The following MYBPC2 variants were observed in gnomAD, a reference collection of about 807,000 sequenced individuals.
The protein encoded by MYBPC2 is myosin-binding protein C, fast-type.
In MYBPC2, 122 loss-of-function variants were observed where a neutral mutation model predicts 137.0. The observed-to-expected ratio is 0.89, with a 90% CI of 0.77 to 1.03. The LOEUF is 1.03. Ranked by LOEUF, MYBPC2 falls within the 50% of genes least tolerant of loss-of-function variation. MYBPC2 has a pLI of 0.00. For missense variants in MYBPC2, 1,500 were observed against 1,534.4 expected, an observed-to-expected ratio of 0.98 and a Z score of 0.37; for synonymous variants, 626 against 612.3, an observed-to-expected ratio of 1.02 and a Z score of -0.33.
At chr19:50,452,120 T>A in intron 16 of MYBPC2, 117 bp downstream of exon 16, 1 of 1,187,378 alleles carries the variant, frequency 8.4e-7, no homozygotes, top group Non-Finnish European at 1.2e-6. Flanking sequence ...CTTCACAGGG[T>A]TGTTTTGAAG....
chr19:50,461,005 A>AAT (rs1555798279), intron 24 of MYBPC2, among the ~76,000 whole-genome samples: 5 of 127,868 alleles, frequency 3.9e-5, no homozygotes, highest in African/African-American at 1.5e-4. Flanking sequence ...TTTCTTTTAA[A>AAT]TTTTTTTTTT....
chr19:50,435,421 G>A lies in MYBPC2; in HGVS notation c.109+171G>A, dbSNP rs2039693655. ...GCCCTCCCGGGGCTCCCTGGCACCC[G>A]CAGGCAGAGCCCAGCCCCTCGGCTG... On this transcript the variant is annotated intron_variant, in intron 2 of 27. Coordinates refer to ENST00000357701, the MANE Select transcript of MYBPC2 (RefSeq NM_004533.4). This position sits in a 1 kb window ranked among gnomAD's most constrained non-coding sequence, Gnocchi z 4.8. Among the ~76,000 whole-genome samples the A allele has an allele frequency of 6.6e-6, 1 of 152,200 alleles. No individual in the cohort carries two copies. Among genetic ancestry groups the A allele is most frequent in the South Asian group, 2.1e-4 (1 of 4,830 alleles).
At chr19:50,433,487 A>T (rs1358742509) in intron 1 of MYBPC2, among the ~76,000 whole-genome samples, 1 of 151,136 alleles carries the variant, frequency 6.6e-6, no homozygotes, top group Admixed American at 6.6e-5. Flanking sequence ...TCACTACAAC[A>T]TCCGCCTCCT....
rs534450639 is a variant in MYBPC2 at position 50,450,359 on chromosome 19, A to T, written c.1473-470A>T. Among the ~76,000 whole-genome samples the T allele has an allele frequency of 1.4e-4, 21 of 152,014 alleles. No homozygotes were observed. The South Asian group carries it at 4.4e-3, about 32-fold the overall frequency. On this transcript the variant is annotated intron_variant, in intron 13 of 27. Transcript: ENST00000357701. Reference sequence around the variant, plus strand: ...CTGCAGCCTTGACCTGGGCTGGAGCAATTCTCCCACCTCAGCCTCCCCAAG... The same window carrying T: ...CTGCAGCCTTGACCTGGGCTGGAGCTATTCTCCCACCTCAGCCTCCCCAAG...
At chr19:50,441,118 G>A (rs2039750718) in intron 8 of MYBPC2, 42 bp downstream of exon 8, 1 of 1,517,952 alleles carries the variant, frequency 6.6e-7, no homozygotes, top group African/African-American at 1.4e-5. Context: ...GCACACAAGG[G>A]ACCCCTAGCC....
Position 50,454,082 on chromosome 19 carries a change from G to T in MYBPC2, c.1812G>T (p.Val604=). Reference sequence around the variant, plus strand: ...AGCGGGTGGACTGCAGCAGCTTTGTGATTGAGAGTGCGCAGCGGGAAGACG... The same window carrying T: ...AGCGGGTGGACTGCAGCAGCTTTGTTATTGAGAGTGCGCAGCGGGAAGACG... ...IEKRVDCSSF[V]IESAQREDEG... is the part of the protein sequence containing the mutation. Residue 604 remains valine, a synonymous_variant, in exon 17 of 28, where the codon GTG becomes GTT. Coordinates refer to ENST00000357701, the MANE Select transcript of MYBPC2 (RefSeq NM_004533.4). 6.2e-7 allele frequency: 1 copy of T among 1,611,582 alleles called. No individual in the cohort carries two copies. The highest frequency in any genetic ancestry group is 8.5e-7 in the Non-Finnish European group (1 of 1,178,920).
At chr19:50,433,852 G>A (rs2039679409) in intron 1 of MYBPC2, among the ~76,000 whole-genome samples, 1 of 151,798 alleles carries the variant, frequency 6.6e-6, no homozygotes. Context: ...GAGGCAGGAG[G>A]ATTGCTTGAG....
Position 50,443,825 on chromosome 19 carries a change from C to G in MYBPC2, c.1133+9C>G. On this transcript the variant is annotated intron_variant, in intron 11 of 27. Transcript: ENST00000357701. ...GGTGCCCAGGTGATGTGGTAAGTGA[C>G]CCTTGATCCCTGATCTCCATACAGG... The G allele has an allele frequency of 6.2e-7, 1 of 1,608,980 alleles. No individual in the cohort carries two copies. The highest frequency in any genetic ancestry group is 8.5e-7 in the Non-Finnish European group (1 of 1,175,882).
intron 15 of MYBPC2, 116 bp downstream of exon 15, chr19:50,451,425 G>C: frequency 2.5e-6 from 2 of 801,788 alleles, no homozygotes; most frequent in Admixed American, 4.3e-5. Flanking sequence ...CGGGGTGCGG[G>C]AGGATGAGTG....
In MYBPC2 at chr19:50,441,058, G is replaced by A. The variant is rs138666670; in HGVS notation, c.751G>A (p.Glu251Lys). 5.3e-5 allele frequency: 84 copies of A among 1,598,110 alleles called. No individual in the cohort carries two copies. The East Asian group carries it at 1.6e-3, about 31-fold the overall frequency. ...MLKRLKKAKV[E>K]VKKSAAFTKK... ...GAAGCGGCTGAAAAAGGCTAAGGTC[G>A]AGGTCAAGAAGAGTGCAGGTCAGCC... is the stretch of plus-strand genomic sequence containing the variant. The change falls in exon 8 of 28, where the codon GAG (glutamate) becomes AAG (lysine). Residue 251 changes from glutamate to lysine, a missense_variant. Physicochemically the swap from Glu to Lys is moderately conservative, Grantham distance 56. Transcript: ENST00000357701.
Position 50,450,894 on chromosome 19 carries a change from A to C in MYBPC2, c.1538A>C (p.Asp513Ala), listed in dbSNP as rs776156083. 7.0e-6 allele frequency: 11 copies of C among 1,578,394 alleles called. No individual in the cohort carries two copies. Among genetic ancestry groups the C allele is most frequent in the Non-Finnish European group, 9.5e-6 (11 of 1,162,450 alleles). The change falls in exon 14 of 28, where the codon GAC becomes GCC. Residue 513 changes from aspartate (D) to alanine (A), a missense_variant. Coordinates refer to ENST00000357701, the MANE Select transcript of MYBPC2 (RefSeq NM_004533.4). Reference protein sequence around the residue: ...EDEGDYTFVPDGYALSLSAKL... With the variant: ...EDEGDYTFVPAGYALSLSAKL... ...GAGGGAGACTACACGTTTGTGCCTG[A>C]CGGCTACGCCCTGTCGCTCTCGGCC...
intron 20 of MYBPC2, 88 bp from the exon 21 acceptor site, chr19:50,458,499 C>T (rs1343537213): frequency 8.7e-6 from 13 of 1,497,522 alleles, no homozygotes; most frequent in Admixed American, 2.1e-5. Context: ...CTCACTCGCT[C>T]GCTGCGTGGG....
At chr19:50,436,520 T>C in intron 4 of MYBPC2, 97 bp from the exon 5 acceptor site, 1 of 1,104,362 alleles carries the variant, frequency 9.1e-7, no homozygotes, top group Non-Finnish European at 1.3e-6. Context: ...GGGGTGGGGG[T>C]GAGGACGTGG....
At chr19:50,433,157 G>A (rs895310985) in intron 1 of MYBPC2, among the ~76,000 whole-genome samples, 185 bp downstream of exon 1, 3 of 152,148 alleles carry the variant, frequency 2.0e-5, no homozygotes, top group Admixed American at 1.3e-4. Context: ...ACTCTGCATG[G>A]GGAAGAGGGT....
intron 8 of MYBPC2, among the ~76,000 whole-genome samples, chr19:50,441,555 T>C (rs1207827394): frequency 6.6e-6 from 1 of 152,162 alleles, no homozygotes; most frequent in Non-Finnish European, 1.5e-5. Flanking sequence ...AAAGCTGTTT[T>C]CAGGCTGGGT....
chr19:50,449,758 T>G (rs1322389095), intron 13 of MYBPC2, among the ~76,000 whole-genome samples: 2 of 152,106 alleles, frequency 1.3e-5, no homozygotes, highest in Non-Finnish European at 2.9e-5. Flanking sequence ...GCATGATGCC[T>G]GGAGAACATC....
At position 50,464,459 on chromosome 19, in the gene MYBPC2, C is replaced by T. The variant is rs760048751; in HGVS notation, c.3342C>T (p.Asp1114=). 1.4e-5 allele frequency: 23 copies of T among 1,612,750 alleles called. No individual in the cohort carries two copies. The highest frequency in any genetic ancestry group is 8.8e-5 in the South Asian group (8 of 90,614). Reference sequence around the variant, plus strand: ...ACATCCGTCGCCCCTCGCCCTTCGACGCTGGGACTTACACCTGCCGGGCCG... The same window carrying T: ...ACATCCGTCGCCCCTCGCCCTTCGATGCTGGGACTTACACCTGCCGGGCCG... The part of the protein sequence containing the change: ...TLNIRRPSPF[D]AGTYTCRAVN... Residue 1114 remains aspartate (D), a synonymous_variant, in exon 27 of 28, where the codon GAC becomes GAT. Coordinates refer to ENST00000357701, the MANE Select transcript of MYBPC2 (RefSeq NM_004533.4).
rs765937868 is a variant in MYBPC2 at position 50,459,030 on chromosome 19, C to T, written c.2595+24C>T. 1.2e-5 allele frequency: 19 copies of T among 1,592,022 alleles called. No individual in the cohort carries two copies. In the East Asian group the frequency reaches 4.1e-4, roughly 35 times the overall value. On this transcript the variant is annotated intron_variant, in intron 22 of 27. Coordinates refer to ENST00000357701, the MANE Select transcript of MYBPC2 (RefSeq NM_004533.4). ...AGGTCAGGGGAGCGGGGTCACGGGC[C>T]GGGGGTCCGCTCTCGCCGCAAGCCC...
chr19:50,458,482 C>A (rs750470465), intron 20 of MYBPC2, 105 bp from the exon 21 acceptor site: 41 of 1,367,246 alleles, frequency 3.0e-5, no homozygotes, highest in Non-Finnish European at 3.8e-5. Flanking sequence ...TGGGAACTTA[C>A]TCAGTGCTCA....
Sources: gnomAD v4.1 joint callset for allele counts (sites outside exome capture counted in the v4.1 genomes callset) on GRCh38, gnomAD v4.1.1 for gene constraint, Gnocchi (gnomAD v3.1) non-coding constraint, MANE v1.5 for transcripts, NCBI Gene and HGNC (gene_info 2026-07-23, HGNC 2026-07-21) for gene names.